Variants in PDE1C observed in about 807,000 individuals in gnomAD.
The protein encoded by PDE1C is dual specificity calcium/calmodulin-dependent 3',5'-cyclic nucleotide phosphodiesterase 1C.
PDE1C carries 62 observed loss-of-function variants against 93.1 expected under a neutral mutation model. The ratio of observed to expected loss-of-function variants is 0.67; its 90% CI spans 0.54 to 0.82. The LOEUF (loss-of-function observed/expected upper bound fraction) is 0.82. Ranked by LOEUF, PDE1C falls within the 40% of genes least tolerant of loss-of-function variation. The pLI, the probability that PDE1C is intolerant of heterozygous loss-of-function variation, is 0.00. For missense variants in PDE1C, 742 were observed against 884.6 expected (o/e 0.84, Z 2.04); for synonymous variants, 325 against 310.1 (o/e 1.05, Z -0.50).
intron 1 of PDE1C, among the ~76,000 whole-genome samples, chr7:32,225,650 C>T (rs891578627): frequency 3.9e-5 from 6 of 152,126 alleles, no homozygotes; most frequent in African/African-American, 1.2e-4. Context: ...TACATTCCCT[C>T]GGCTCATCTT....
intron 1 of PDE1C, among the ~76,000 whole-genome samples, chr7:32,055,782 G>A (rs567089835): frequency 9.9e-5 from 15 of 152,250 alleles, no homozygotes; most frequent in South Asian, 2.1e-4. Flanking sequence ...GCGCAGTGGC[G>A]CAATCTCGGC....
At chr7:32,289,636 G>A (rs1473525138) in intron 1 of PDE1C, among the ~76,000 whole-genome samples, 1 of 152,104 alleles carries the variant, frequency 6.6e-6, no homozygotes, top group Non-Finnish European at 1.5e-5. Context: ...AATTAAGCCA[G>A]GAAAGAGCCC....
the PDE1C span, among the ~76,000 whole-genome samples, chr7:31,741,711 T>C: frequency 6.6e-6 from 1 of 152,188 alleles, no homozygotes; most frequent in South Asian, 2.1e-4. Flanking sequence ...AGACATATTC[T>C]CCCAGAATGT....
chr7:32,269,582 C>T (rs1227648670), intron 1 of PDE1C, among the ~76,000 whole-genome samples: 1 of 152,070 alleles, frequency 6.6e-6, no homozygotes, highest in African/African-American at 2.4e-5. Flanking sequence ...CGGGTTCAAG[C>T]GATTCTTCTG....
intron 2 of PDE1C, among the ~76,000 whole-genome samples, chr7:31,949,047 G>A (rs1807001687): frequency 6.6e-6 from 1 of 152,104 alleles, no homozygotes; most frequent in Admixed American, 6.6e-5. Flanking sequence ...TATTGGCCAG[G>A]GGAAAATCTA....
intron 2 of PDE1C, among the ~76,000 whole-genome samples, chr7:31,996,353 A>G (rs1468788998): frequency 6.6e-6 from 1 of 152,174 alleles, no homozygotes; most frequent in Non-Finnish European, 1.5e-5. Flanking sequence ...ATGATCTTCA[A>G]AACTAAATTT....
intron 2 of PDE1C, among the ~76,000 whole-genome samples, chr7:32,007,719 T>C (rs1195487374): frequency 6.6e-6 from 1 of 152,238 alleles, no homozygotes; most frequent in Non-Finnish European, 1.5e-5. Flanking sequence ...CCACGTATTT[T>C]ACCTTTTTAT....
rs184776531 is a variant in PDE1C at position 32,407,013 on chromosome 7, T to C, written c.310+20809A>G. On this transcript the variant is annotated intron_variant, in intron 1 of 1. Coordinates refer to the PDE1C transcript ENST00000672256. ...AAAACAGGCCGGGCGCGGTGGCTCA[T>C]GCCTGTAATCCAAGCACTTTGGGAG... Among the ~76,000 whole-genome samples, 842 of 152,270 alleles carry C rather than the reference T, an allele frequency of 5.5e-3. 4 individuals are homozygous for C. Among genetic ancestry groups the C allele is most frequent in the South Asian group, 0.023 (112 of 4,826 alleles).
chr7:31,792,210 C>A (rs1021459439), intron 16 of PDE1C, among the ~76,000 whole-genome samples: 2 of 152,062 alleles, frequency 1.3e-5, no homozygotes, highest in African/African-American at 4.8e-5. Context: ...ACCCTAAGGT[C>A]CCTATATCAT....
At chr7:32,261,530 T>C (rs1161245959) in intron 1 of PDE1C, among the ~76,000 whole-genome samples, 1 of 152,194 alleles carries the variant, frequency 6.6e-6, no homozygotes, top group African/African-American at 2.4e-5. Context: ...TCTTTCTCCA[T>C]TGCAATTCCC....
At chr7:32,198,069 G>A (rs1420687521) in intron 2 of PDE1C, among the ~76,000 whole-genome samples, 1 of 152,046 alleles carries the variant, frequency 6.6e-6, no homozygotes, top group Admixed American at 6.5e-5. Context: ...GTTAGTCCTT[G>A]TATCCTATAT....
chr7:31,696,790 C>T, the PDE1C span, among the ~76,000 whole-genome samples: 817 of 152,264 alleles, frequency 5.4e-3, 14 homozygotes, highest in African/African-American at 0.017. Context: ...GACAAGGTTC[C>T]TAGTGGAGCC....
At chr7:31,686,829 G>C in the PDE1C span, 1 of 152,170 alleles carries the variant, frequency 6.6e-6, no homozygotes, top group Non-Finnish European at 1.5e-5. Flanking sequence ...TTGAGAAGCA[G>C]CAATAGTGAT....
the PDE1C span, chr7:31,707,885 C>A: frequency 1.3e-5 from 2 of 152,168 alleles, no homozygotes; most frequent in Non-Finnish European, 2.9e-5. Context: ...CCCACCATGC[C>A]TTGGCTGATG....
chr7:31,977,637 A>G (rs1018336856), intron 2 of PDE1C, among the ~76,000 whole-genome samples: 19 of 152,130 alleles, frequency 1.2e-4, no homozygotes, highest in African/African-American at 4.3e-4. Flanking sequence ...TACACTAATC[A>G]CTACTATCAT....
At chr7:32,147,299 AGAAAG>A (rs1563352768) in intron 3 of PDE1C, among the ~76,000 whole-genome samples, 4 of 133,942 alleles carry the variant, frequency 3.0e-5, no homozygotes, top group African/African-American at 9.2e-5. Flanking sequence ...AAAGAAAGAA[AGAAAG>A]AAAGAAAGAA....
At chr7:31,944,208 C>T (rs752498830) in intron 2 of PDE1C, among the ~76,000 whole-genome samples, 5 of 152,212 alleles carry the variant, frequency 3.3e-5, no homozygotes, top group African/African-American at 9.6e-5. Flanking sequence ...CTTTCAGGGT[C>T]GTCCTCATCC....
chr7:32,299,316 C>T (rs1455445792), exon 1 of PDE1C: 17 of 985,688 alleles, frequency 1.7e-5, no homozygotes, highest in Non-Finnish European at 1.9e-5. Context: ...AAGTTTACTC[C>T]AAACAAGGAA....
intron 1 of PDE1C, among the ~76,000 whole-genome samples, chr7:32,390,058 T>C (rs1458599843): frequency 6.6e-6 from 1 of 152,190 alleles, no homozygotes; most frequent in Non-Finnish European, 1.5e-5. Context: ...ACTGCAAATA[T>C]GTAAGTTAAC....
Sources: allele counts gnomAD v4.1 joint callset (sites outside exome capture counted in the v4.1 genomes callset), GRCh38; gene constraint gnomAD v4.1.1; transcripts MANE v1.5; gene names NCBI Gene and HGNC (gene_info 2026-07-23, HGNC 2026-07-21).